STAMBPL1: variants seen among roughly 807,000 people sequenced by gnomAD.
STAMBPL1 encodes the protein AMSH-like protease.
STAMBPL1 carries 44 observed loss-of-function variants against 52.9 expected under a neutral mutation model. The observed-to-expected ratio is 0.83, with a 90% CI of 0.65 to 1.07. The LOEUF (loss-of-function observed/expected upper bound fraction) is 1.07. STAMBPL1 is among the 50% of genes least tolerant of loss of function. STAMBPL1 has a pLI of 0.00. For missense variants in STAMBPL1, 511 were observed against 520.8 expected, an observed-to-expected ratio of 0.98 and a Z score of 0.18; for synonymous variants, 164 against 177.3, an observed-to-expected ratio of 0.92 and a Z score of 0.60.
At chr10:88,919,028 T>C (rs960348293) in intron 8 of STAMBPL1, among the ~76,000 whole-genome samples, 1 of 152,238 alleles carries the variant, frequency 6.6e-6, no homozygotes. Flanking sequence ...GTGATTGTAA[T>C]GACTTTTTAT....
chr10:88,908,769 A>G lies in STAMBPL1; in HGVS notation c.316A>G (p.Ile106Val), dbSNP rs1192584287. ...QQCAVPEKQDIMKKLKEIAFP... is the reference protein window; with the variant it reads ...QQCAVPEKQDVMKKLKEIAFP... ...ATGTGCAGTACCTGAAAAGCAGGAT[A>G]TTATGAAGGTATTGTGGGTTTTCTT... Residue 106 changes from isoleucine (I) to valine (V), a missense_variant, in exon 4 of 11, where the codon ATT (isoleucine) becomes GTT (valine). By Grantham distance (29) the Ile-to-Val change is conservative. Transcript: ENST00000371926. 4 of 1,606,258 alleles carry G rather than the reference A, an allele frequency of 2.5e-6. No individual in the cohort carries two copies. The highest frequency in any genetic ancestry group is 2.5e-6 in the Non-Finnish European group (3 of 1,177,302).
chr10:88,887,371 T>C (rs192959913), intron 1 of STAMBPL1, among the ~76,000 whole-genome samples: 2 of 152,226 alleles, frequency 1.3e-5, no homozygotes, highest in Non-Finnish European at 1.5e-5. Flanking sequence ...CATATTCTTA[T>C]GGCACACGTA....
Position 88,913,288 on chromosome 10 carries a change from C to G in STAMBPL1, c.608C>G (p.Ser203Ter), listed in dbSNP as rs1439179257. Residue 203 changes from serine (S) to a stop codon, truncating the protein, a stop_gained, in exon 6 of 11, where the codon TCA (serine) becomes TGA (stop). Transcript: ENST00000371926. LOFTEE classifies it high-confidence loss of function. ...CGAAGTCAGCAAACCTCAGGGCTGT[C>G]AGAGCAGATTGATGGGAGCGCTTTG... ...QMRSQQTSGL[S>*]EQIDGSALSC... The G allele has an allele frequency of 6.2e-7, 1 of 1,613,894 alleles. No individual in the cohort carries two copies. The highest frequency in any genetic ancestry group is 8.5e-7 in the Non-Finnish European group (1 of 1,179,862).
intron 3 of STAMBPL1, among the ~76,000 whole-genome samples, chr10:88,906,431 CCTT>C (rs1173719424): frequency 2.0e-5 from 3 of 151,998 alleles, no homozygotes; most frequent in Non-Finnish European, 4.4e-5. Flanking sequence ...CTAAGATGAA[CCTT>C]CTTTTTTTTA....
In STAMBPL1 at chr10:88,908,783, G is replaced by A. The variant is rs1174742639; in HGVS notation, c.324+6G>A. 3 of 1,600,786 alleles carry A rather than the reference G, an allele frequency of 1.9e-6. No individual in the cohort carries two copies. Among genetic ancestry groups the A allele is most frequent in the Non-Finnish European group, 2.6e-6 (3 of 1,174,898 alleles). On this transcript the variant is annotated splice_donor_region_variant and intron_variant, in intron 4 of 10. Transcript: ENST00000371926. ...AAAAGCAGGATATTATGAAGGTATT[G>A]TGGGTTTTCTTCTCCACTGTGGAAT... is the stretch of plus-strand genomic sequence containing the variant.
chr10:88,911,162 T>C (rs911860386), intron 5 of STAMBPL1, 151 bp downstream of exon 5: 8 of 495,338 alleles, frequency 1.6e-5, no homozygotes, highest in African/African-American at 1.4e-4. Context: ...AAATTTATGC[T>C]GATATCCAGG....
chr10:88,899,274 C>T (rs541270183), intron 1 of STAMBPL1, among the ~76,000 whole-genome samples: 1 of 152,166 alleles, frequency 6.6e-6, no homozygotes, highest in African/African-American at 2.4e-5. Context: ...GTTTGGAAAC[C>T]TCATGTATTG....
chr10:88,905,428 A>T lies in STAMBPL1; in HGVS notation c.31-15A>T. On this transcript the variant is annotated splice_polypyrimidine_tract_variant and intron_variant, in intron 2 of 10. Coordinates refer to ENST00000371926, the MANE Select transcript of STAMBPL1 (RefSeq NM_020799.4). ...TAATCAACAGTTAATCAGAGATTTA[A>T]ATTTTGCTTTGCAGAAAAAGTTAGC... The T allele has an allele frequency of 3.1e-6, 5 of 1,605,006 alleles. No individual in the cohort carries two copies. Among genetic ancestry groups the T allele is most frequent in the Non-Finnish European group, 4.3e-6 (5 of 1,171,840 alleles).
In STAMBPL1 at chr10:88,905,438, T is replaced by C. The variant is rs1345849590; in HGVS notation, c.31-5T>C. ...TTAATCAGAGATTTAAATTTTGCTT[T>C]GCAGAAAAAGTTAGCTGCTATGCCT... On this transcript the variant is annotated splice_region_variant and splice_polypyrimidine_tract_variant and intron_variant, in intron 2 of 10. Coordinates refer to ENST00000371926, the MANE Select transcript of STAMBPL1 (RefSeq NM_020799.4). 9.3e-6 allele frequency: 15 copies of C among 1,613,126 alleles called. No individual in the cohort carries two copies. The highest frequency in any genetic ancestry group is 8.8e-5 in the South Asian group (8 of 91,068).
intron 7 of STAMBPL1, among the ~76,000 whole-genome samples, chr10:88,915,672 C>T (rs1215270219): frequency 6.6e-6 from 1 of 152,174 alleles, no homozygotes; most frequent in Non-Finnish European, 1.5e-5. Context: ...ACGGTCCCTG[C>T]CTCACGATGC....
At chr10:88,902,246 T>G (rs898229818) in intron 2 of STAMBPL1, among the ~76,000 whole-genome samples, 2 of 152,228 alleles carry the variant, frequency 1.3e-5, no homozygotes, top group Admixed American at 1.3e-4. Flanking sequence ...TCACATGGGC[T>G]TATTCTGTGT....
chr10:88,922,478 T>C (rs1845539356), intron 10 of STAMBPL1, 42 bp downstream of exon 10: 1 of 1,565,562 alleles, frequency 6.4e-7, no homozygotes, highest in Non-Finnish European at 8.8e-7. Flanking sequence ...TATTTCTTGT[T>C]CACTGCCCCC....
rs1027951727 is a variant in STAMBPL1, at chr10:88,880,556, C to G, written c.-136C>G. ...CGCGGCCCGGGTTGCAGCAGCCGGA[C>G]GGATGCCAAGGCCACACGGCAGCCA... is the stretch of plus-strand genomic sequence containing the variant. On this transcript the variant is annotated 5_prime_UTR_variant, in exon 1 of 11. Coordinates refer to ENST00000371926, the MANE Select transcript of STAMBPL1 (RefSeq NM_020799.4). 6.6e-6 allele frequency: 1 copy of G among 152,260 alleles called. No individual in the cohort carries two copies. Among genetic ancestry groups the G allele is most frequent in the African/African-American group, 2.4e-5 (1 of 41,476 alleles). The allele number at this position is 152,260 out of a possible 1,614,324, so 9.4% of individuals were successfully genotyped here. A position where few individuals can be genotyped will look rare whatever the true frequency, so the allele number is the denominator to read the frequency against.
At chr10:88,910,036 C>T (rs1052524072) in intron 4 of STAMBPL1, among the ~76,000 whole-genome samples, 1 of 152,126 alleles carries the variant, frequency 6.6e-6, no homozygotes, top group Non-Finnish European at 1.5e-5. Context: ...CAGGCTGTCA[C>T]GGTGACTCAT....
At chr10:88,884,966 A>G (rs143422661) in intron 1 of STAMBPL1, among the ~76,000 whole-genome samples, 122 of 152,352 alleles carry the variant, frequency 8.0e-4, no homozygotes, top group Non-Finnish European at 1.5e-3. Context: ...AAATAGCTGT[A>G]AATGCAAAGT....
At chr10:88,922,192 TA>T (rs946266062) in intron 9 of STAMBPL1, 144 bp from the exon 10 acceptor site, 6,276 of 697,342 alleles carry the variant, frequency 9.0e-3, no homozygotes, top group Middle Eastern at 0.011. Context: ...GTCATTGGTT[TA>T]AAAAAAAAAT....
At chr10:88,892,175 G>T (rs1844701078) in intron 1 of STAMBPL1, among the ~76,000 whole-genome samples, 1 of 152,208 alleles carries the variant, frequency 6.6e-6, no homozygotes, top group Non-Finnish European at 1.5e-5. Flanking sequence ...AAGTTCAGCT[G>T]ATCAGGGCCA....
intron 7 of STAMBPL1, among the ~76,000 whole-genome samples, chr10:88,916,079 G>A (rs4431933): frequency 0.19 from 28,782 of 152,026 alleles, 2,961 homozygotes; most frequent in African/African-American, 0.26. Context: ...CCTAAGGGGG[G>A]TAATTTGTTT....
chr10:88,916,490 G>C (rs1326466944), intron 7 of STAMBPL1, among the ~76,000 whole-genome samples, 190 bp from the exon 8 acceptor site: 1 of 147,878 alleles, frequency 6.8e-6, no homozygotes, highest in Admixed American at 6.7e-5. Context: ...CATTTTTACT[G>C]TTGGGACTTT....
Sources: allele counts gnomAD v4.1 joint callset (sites outside exome capture counted in the v4.1 genomes callset), GRCh38; gene constraint gnomAD v4.1.1; transcripts MANE v1.5; gene names NCBI Gene and HGNC (gene_info 2026-07-23, HGNC 2026-07-21).